PRCD: variants seen among roughly 807,000 people sequenced by gnomAD.
PRCD encodes the protein photoreceptor disk component PRCD.
PRCD carries 12 observed loss-of-function variants against 10.1 expected under a neutral mutation model. The ratio of observed to expected loss-of-function variants is 1.18; its 90% CI spans 0.76 to 1.92. The LOEUF is 1.92. Ranked by LOEUF, PRCD falls within the 40% of genes most tolerant of loss-of-function variation. The pLI is 0.00. For synonymous variants in PRCD, 31 were observed against 26.2 expected, an observed-to-expected ratio of 1.18 and a Z score of -0.56; for missense variants, 61 against 72.2, an observed-to-expected ratio of 0.84 and a Z score of 0.56.
chr17:76,531,873 C>T lies in PRCD; in HGVS notation n.45+4040C>T, dbSNP rs944673602. 5.3e-6 allele frequency: 3 copies of T among 565,474 alleles called. No homozygotes were observed. Among genetic ancestry groups the T allele is most frequent in the Admixed American group, 3.2e-5 (1 of 30,922 alleles). The allele number at this position is 565,474 out of a possible 1,614,324, so 35.0% of individuals were successfully genotyped here. ...CCTCCTCCCTCTGGCCAAGCCGGCT[C>T]ACCCCTACCAAGTCTGGCCATGTCT... On this transcript the variant is annotated intron_variant and non_coding_transcript_variant, in intron 1 of 4. Transcript: ENST00000397633. This position sits in a 1 kb window ranked among gnomAD's most constrained non-coding sequence, Gnocchi z 7.4.
rs985203440 is a variant in PRCD, at chr17:76,531,311, T to A, written n.45+3478T>A. 3 of 1,199,488 alleles carry A rather than the reference T, an allele frequency of 2.5e-6. No homozygotes were observed. In the African/African-American group the frequency reaches 4.6e-5, roughly 18 times the overall value. 74.3% of individuals were successfully genotyped at this position (1,199,488 alleles called of 1,614,324 possible). On this transcript the variant is annotated intron_variant and non_coding_transcript_variant, in intron 1 of 4. Coordinates refer to the PRCD transcript ENST00000397633. The surrounding 1 kb of genome is among the most constrained non-coding windows in gnomAD (Gnocchi z 7.4). ...CAAGGGTTGCCCTGGACCCAGCCCCTCCATCCTGCTGCCGGGCACTGCCCC... is the reference window on the plus strand; with the variant it reads ...CAAGGGTTGCCCTGGACCCAGCCCCACCATCCTGCTGCCGGGCACTGCCCC...
downstream of PRCD, among the ~76,000 whole-genome samples, chr17:76,549,113 A>G (rs2075083212): frequency 6.6e-6 from 1 of 152,252 alleles, no homozygotes; most frequent in Admixed American, 6.5e-5. Flanking sequence ...CTAACCAGAA[A>G]AGAAAAATCA....
In PRCD at chr17:76,531,158, G is replaced by A; in HGVS notation, n.45+3325G>A. 6.2e-7 allele frequency: 1 copy of A among 1,607,786 alleles called. No homozygotes were observed. The highest frequency in any genetic ancestry group is 8.5e-7 in the Non-Finnish European group (1 of 1,175,706). On this transcript the variant is annotated intron_variant and non_coding_transcript_variant, in intron 1 of 4. Transcript: ENST00000397633. This position sits in a 1 kb window ranked among gnomAD's most constrained non-coding sequence, Gnocchi z 7.4. ...CAGAGAGGATCTGGGGGCAAAGGGA[G>A]GAAGGGGGAGTGAACGCCCGGGCGC...
chr17:76,552,774 G>C (rs2075119176), intron 1 of PRCD: 1 of 149,134 alleles, frequency 6.7e-6, no homozygotes, highest in East Asian at 2.0e-4. Context: ...TGAGGCAGGA[G>C]AATCACATGA....
At chr17:76,548,896 T>C (rs534147382), downstream of PRCD, among the ~76,000 whole-genome samples, 117 of 152,284 alleles carry the variant, frequency 7.7e-4, no homozygotes, top group African/African-American at 2.7e-3. Context: ...AGCTTCTGCC[T>C]GGAGACAGTT....
chr17:76,533,873 A>AG lies in PRCD; in HGVS notation n.45+6041dup, dbSNP rs2074879549. 6.6e-6 allele frequency among the ~76,000 whole-genome samples: 1 copy of AG among 152,106 alleles called. No individual in the cohort carries two copies. Among genetic ancestry groups the AG allele is most frequent in the South Asian group, 2.1e-4 (1 of 4,822 alleles). On this transcript the variant is annotated intron_variant and non_coding_transcript_variant, in intron 1 of 4. Transcript: ENST00000397633. The surrounding 1 kb of genome is among the most constrained non-coding windows in gnomAD (Gnocchi z 4.5). ...AGTGAGATCCTGTCTCCAGAAAAAA[A>AG]GAAAAAAATTGGCTGGGTGTGGTGG... is the stretch of plus-strand genomic sequence containing the variant.
chr17:76,552,497 C>G (rs1015674613), intron 1 of PRCD, among the ~76,000 whole-genome samples: 1 of 152,000 alleles, frequency 6.6e-6, no homozygotes, highest in African/African-American at 2.4e-5. Context: ...CTGCACCCAG[C>G]CTAAAATCTC....
rs874264 is a variant in PRCD, at chr17:76,542,770, G to A, written c.*59+137G>A. Reference sequence around the variant, plus strand: ...CCACTGATGGAGGTTCAAAGTAGGCGGATGGACTCATGCCTTTGGCTGCTA... The same window carrying A: ...CCACTGATGGAGGTTCAAAGTAGGCAGATGGACTCATGCCTTTGGCTGCTA... On this transcript the variant is annotated intron_variant, in intron 3 of 4. Transcript: ENST00000592014. The A allele has an allele frequency of 0.023, 15,476 of 681,154 alleles. 1,586 individuals are homozygous for A. The African/African-American group carries it at 0.23, about 10-fold the overall frequency. The allele number at this position is 681,154 out of a possible 1,614,324, so 42.2% of individuals were successfully genotyped here.
At chr17:76,541,728 G>A (rs578053807) in intron 2 of PRCD, among the ~76,000 whole-genome samples, 12 of 152,272 alleles carry the variant, frequency 7.9e-5, no homozygotes, top group African/African-American at 2.6e-4. Context: ...GGCCTCCCCC[G>A]ATAGGAGGCC....
At chr17:76,543,224 A>G (rs909504821) in intron 4 of PRCD, 103 bp downstream of exon 4, 1 of 387,196 alleles carries the variant, frequency 2.6e-6, no homozygotes, top group African/African-American at 2.1e-5. Context: ...CAGAAAGAGC[A>G]GACGTGCTCG....
At position 76,533,112 on chromosome 17, in the gene PRCD, G is replaced by C. The variant is rs1340473884; in HGVS notation, n.45+5279G>C. Among the ~76,000 whole-genome samples the C allele has an allele frequency of 2.6e-5, 4 of 152,216 alleles. No individual in the cohort carries two copies. Among genetic ancestry groups the C allele is most frequent in the Admixed American group, 1.3e-4 (2 of 15,288 alleles). Reference sequence around the variant, plus strand: ...GAGGGCATCTGGCCGGGTCATCCCTGCTGCTGGTGGAACTGCTATTGGCGG... The same window carrying C: ...GAGGGCATCTGGCCGGGTCATCCCTCCTGCTGGTGGAACTGCTATTGGCGG... On this transcript the variant is annotated intron_variant and non_coding_transcript_variant, in intron 1 of 4. Transcript: ENST00000397633. This position sits in a 1 kb window ranked among gnomAD's most constrained non-coding sequence, Gnocchi z 4.5.
At chr17:76,542,973 G>A (rs2075009396) in intron 3 of PRCD, 56 bp from the exon 4 acceptor site, 10 of 499,676 alleles carry the variant, frequency 2.0e-5, no homozygotes, top group Admixed American at 1.2e-4. Context: ...TCTGAAATGC[G>A]AGTCCCATCC....
downstream of PRCD, among the ~76,000 whole-genome samples, chr17:76,548,172 T>C (rs972914969): frequency 2.0e-5 from 3 of 151,276 alleles, no homozygotes; most frequent in Admixed American, 6.6e-5. Flanking sequence ...CACACACACA[T>C]ATACACCGAC....
upstream of PRCD, among the ~76,000 whole-genome samples, chr17:76,535,494 G>C (rs935028967): frequency 6.6e-6 from 1 of 152,170 alleles, no homozygotes; most frequent in Non-Finnish European, 1.5e-5. Context: ...GGCCCTGTGG[G>C]GCTTGGGCTG....
chr17:76,545,399 T>G (rs2075044828), downstream of PRCD: 2 of 456,332 alleles, frequency 4.4e-6, no homozygotes, highest in Non-Finnish European at 8.8e-6. Flanking sequence ...GAGTCCTTTT[T>G]CATCCCTTTC....
chr17:76,544,047 C>T lies in PRCD; in HGVS notation c.*397C>T. Reference sequence around the variant, plus strand: ...CAGTCCCGGCGGCTGCCTCCTTTGCCCCCAGCTGCTCTGCCATTTCTCTCT... The same window carrying T: ...CAGTCCCGGCGGCTGCCTCCTTTGCTCCCAGCTGCTCTGCCATTTCTCTCT... On this transcript the variant is annotated 3_prime_UTR_variant, in exon 5 of 5. Coordinates refer to ENST00000592014, the MANE Select transcript of PRCD (RefSeq NM_001077620.3). 1 of 454,824 alleles carries T rather than the reference C, an allele frequency of 2.2e-6. No homozygotes were observed. The highest frequency in any genetic ancestry group is 4.4e-6 in the Non-Finnish European group (1 of 226,962). 28.2% of individuals were successfully genotyped at this position (454,824 alleles called of 1,614,324 possible).
chr17:76,529,385 A>T, intron 1 of PRCD: 2 of 985,190 alleles, frequency 2.0e-6, no homozygotes, highest in Non-Finnish European at 2.4e-6. Flanking sequence ...AAGTGGGCGG[A>T]GGAGGAGACT....
chr17:76,543,915 C>A lies in PRCD; in HGVS notation c.*265C>A. ...TGGATGGGAGCAACGGACAGCTTGTCCTCCGAATGTGTTTTCTGTATGTGT... is the reference window on the plus strand; with the variant it reads ...TGGATGGGAGCAACGGACAGCTTGTACTCCGAATGTGTTTTCTGTATGTGT... On this transcript the variant is annotated 3_prime_UTR_variant, in exon 5 of 5. Transcript: ENST00000592014. 1 of 470,786 alleles carries A rather than the reference C, an allele frequency of 2.1e-6. No homozygotes were observed. The highest frequency in any genetic ancestry group is 3.5e-4 in the Middle Eastern group (1 of 2,868). The allele number at this position is 470,786 out of a possible 1,614,324, so 29.2% of individuals were successfully genotyped here. A position where few individuals can be genotyped will look rare whatever the true frequency, so the allele number is the denominator to read the frequency against.
intron 1 of PRCD, chr17:76,551,154 T>C (rs1222668013): frequency 6.6e-6 from 1 of 152,096 alleles, no homozygotes; most frequent in Non-Finnish European, 1.5e-5. Flanking sequence ...AGGAAGTATT[T>C]AAGTACAAGC....
Sources: gnomAD v4.1 joint callset for allele counts (sites outside exome capture counted in the v4.1 genomes callset) on GRCh38, gnomAD v4.1.1 for gene constraint, Gnocchi (gnomAD v3.1) non-coding constraint, MANE v1.5 for transcripts, NCBI Gene and HGNC (gene_info 2026-07-23, HGNC 2026-07-21) for gene names.